ARHGEF37: variants seen among roughly 807,000 people sequenced by gnomAD.
ARHGEF37 encodes the protein Rho guanine nucleotide exchange factor (GEF) 37.
Under a neutral mutation model 71.1 loss-of-function variants are expected in ARHGEF37, and 55 were observed. The ratio of observed to expected loss-of-function variants is 0.77; its 90% CI spans 0.62 to 0.97. ARHGEF37 has a LOEUF of 0.97. ARHGEF37 is among the 50% of genes least tolerant of loss of function. ARHGEF37 has a pLI of 0.00. For missense variants in ARHGEF37, 765 were observed against 836.8 expected (o/e 0.91, Z 1.06); for synonymous variants, 327 against 350.6 (o/e 0.93, Z 0.75).
chr5:149,627,969 C>G (rs2113392278), intron 11 of ARHGEF37, among the ~76,000 whole-genome samples: 1 of 152,284 alleles, frequency 6.6e-6, no homozygotes, highest in East Asian at 1.9e-4. Flanking sequence ...ATAAGTAGTC[C>G]ATAATTCCAT....
intron 1 of ARHGEF37, among the ~76,000 whole-genome samples, chr5:149,574,452 C>T (rs937001815): frequency 1.3e-5 from 2 of 152,216 alleles, no homozygotes; most frequent in Non-Finnish European, 2.9e-5. Context: ...GTCTATCTGA[C>T]TGCTCCATCT....
rs543866082 is a variant in ARHGEF37, at chr5:149,600,899, C to T, written c.187-209C>T. ...TGATCCACCCGCCTCATCTCCCCAACGTGCTGGGATTACAGGCGTGAGCCA... is the reference window on the plus strand; with the variant it reads ...TGATCCACCCGCCTCATCTCCCCAATGTGCTGGGATTACAGGCGTGAGCCA... On this transcript the variant is annotated intron_variant, in intron 2 of 12. Coordinates refer to ENST00000333677, the MANE Select transcript of ARHGEF37 (RefSeq NM_001001669.3). Among the ~76,000 whole-genome samples the T allele has an allele frequency of 3.9e-5, 6 of 152,268 alleles. No homozygotes were observed. In the South Asian group the frequency reaches 6.2e-4, roughly 16 times the overall value.
chr5:149,602,095 C>T (rs553923858), intron 3 of ARHGEF37, among the ~76,000 whole-genome samples: 9 of 149,146 alleles, frequency 6.0e-5, no homozygotes, highest in African/African-American at 2.2e-4. Flanking sequence ...CTCACTCTGT[C>T]GCCCAGGCTC....
chr5:149,561,055 A>T (rs745711234), intron 1 of ARHGEF37, among the ~76,000 whole-genome samples: 9 of 152,164 alleles, frequency 5.9e-5, no homozygotes, highest in Non-Finnish European at 1.0e-4. Context: ...CAGGTGGATC[A>T]CAAGGTCAGG....
intron 2 of ARHGEF37, among the ~76,000 whole-genome samples, chr5:149,598,771 GATATAGATATATAGATATAGAT>G (rs1763661264): frequency 5.1e-5 from 4 of 78,590 alleles, no homozygotes; most frequent in Non-Finnish European, 1.2e-4. Context: ...TATAGATATA[GATATAGATATATAGATATAGAT>G]ATATAGATAT....
intron 1 of ARHGEF37, among the ~76,000 whole-genome samples, chr5:149,563,820 CAG>C (rs1477949120): frequency 1.3e-5 from 2 of 151,910 alleles, no homozygotes; most frequent in Non-Finnish European, 2.9e-5. Flanking sequence ...TCATAGGAAA[CAG>C]ATAAAAATTT....
At chr5:149,586,594 CTG>C (rs923135072) in intron 1 of ARHGEF37, among the ~76,000 whole-genome samples, 43 of 152,214 alleles carry the variant, frequency 2.8e-4, no homozygotes, top group African/African-American at 9.9e-4. Context: ...CCACTCCACT[CTG>C]ATGCTGTGTA....
At chr5:149,606,365 G>A (rs1401864112) in intron 3 of ARHGEF37, among the ~76,000 whole-genome samples, 1 of 152,142 alleles carries the variant, frequency 6.6e-6, no homozygotes, top group Non-Finnish European at 1.5e-5. Context: ...CCGGGAAAGG[G>A]TAGGCCCTGG....
chr5:149,616,523 C>G (rs766873246), intron 4 of ARHGEF37, 44 bp from the exon 5 acceptor site: 1 of 1,552,332 alleles, frequency 6.4e-7, no homozygotes, highest in Non-Finnish European at 8.7e-7. Flanking sequence ...CCTGGTCCTC[C>G]AGAGGGTGGG....
intron 1 of ARHGEF37, among the ~76,000 whole-genome samples, chr5:149,592,118 AC>A: frequency 6.6e-6 from 1 of 152,354 alleles, no homozygotes; most frequent in Middle Eastern, 3.4e-3. Flanking sequence ...TAAATATAGC[AC>A]AACATCAAAA....
chr5:149,556,366 GTATT>G lies in ARHGEF37; in HGVS notation c.-12+4277_-12+4280del, dbSNP rs34107862. Among the ~76,000 whole-genome samples, 341 of 142,750 alleles carry G rather than the reference GTATT, an allele frequency of 2.4e-3. 1 individual carries two copies. Among genetic ancestry groups the G allele is most frequent in the East Asian group, 3.5e-3 (17 of 4,796 alleles). 93.6% of individuals were successfully genotyped at this position (142,750 alleles called of 152,430 possible). A position where few individuals can be genotyped will look rare whatever the true frequency, so the allele number is the denominator to read the frequency against. ...ATGCCACCATGCCCAGCTAGTTTTTGTATTTATTTATTTATTTATTTATTTATTT... is the reference window on the plus strand; with the variant it reads ...ATGCCACCATGCCCAGCTAGTTTTTGTATTTATTTATTTATTTATTTATTT... On this transcript the variant is annotated intron_variant, in intron 1 of 2. Transcript: ENST00000505810.
At chr5:149,552,369 C>T (rs572963301) in intron 1 of ARHGEF37, among the ~76,000 whole-genome samples, 27 of 151,702 alleles carry the variant, frequency 1.8e-4, no homozygotes, top group African/African-American at 6.5e-4. Flanking sequence ...TACAAAAAAT[C>T]GATCAGAGAA....
chr5:149,628,331 G>A, intron 11 of ARHGEF37, among the ~76,000 whole-genome samples: 1 of 152,226 alleles, frequency 6.6e-6, no homozygotes. Flanking sequence ...ACACCCTCAG[G>A]AAGTGATAGC....
chr5:149,609,224 G>T (rs1327520363), intron 3 of ARHGEF37, among the ~76,000 whole-genome samples: 4 of 151,922 alleles, frequency 2.6e-5, no homozygotes, highest in Non-Finnish European at 1.5e-5. Context: ...TAATGGTTGA[G>T]TGTATTTTGT....
At chr5:149,608,387 T>G (rs1342046641) in intron 3 of ARHGEF37, among the ~76,000 whole-genome samples, 1 of 151,984 alleles carries the variant, frequency 6.6e-6, no homozygotes, top group Non-Finnish European at 1.5e-5. Context: ...TTTTTTTTTT[T>G]TGAGATGGTG....
At chr5:149,613,936 T>G (rs1752292257) in intron 4 of ARHGEF37, among the ~76,000 whole-genome samples, 1 of 151,876 alleles carries the variant, frequency 6.6e-6, no homozygotes, top group African/African-American at 2.4e-5. Flanking sequence ...ACTCATTTTT[T>G]GTATTTTTGT....
At chr5:149,566,837 T>C (rs1762905418) in intron 1 of ARHGEF37, among the ~76,000 whole-genome samples, 1 of 152,318 alleles carries the variant, frequency 6.6e-6, no homozygotes, top group Admixed American at 6.5e-5. Context: ...CAATTTTATA[T>C]GTATATATGT....
intron 4 of ARHGEF37, among the ~76,000 whole-genome samples, chr5:149,613,887 C>T (rs920201221): frequency 2.0e-5 from 3 of 151,830 alleles, no homozygotes; most frequent in Non-Finnish European, 2.9e-5. Flanking sequence ...CCTCAGCCTC[C>T]TGAGTAGTTT....
rs372944428 is a variant in ARHGEF37, at chr5:149,621,906, C to T, written c.1179C>T (p.His393=). Residue 393 remains histidine, a synonymous_variant, in exon 9 of 13, where the codon CAC becomes CAT. Transcript: ENST00000333677. ...CCTACCAGGAGGAGGCCGCCCGGCA[C>T]ACATACCAGGCACTCAACTCGCTGC... ...SVTYQEEAAR[H]TYQALNSLLV... is the part of the protein sequence containing the mutation. 2.2e-5 allele frequency: 35 copies of T among 1,614,252 alleles called. 1 individual carries two copies. In the African/African-American group the frequency reaches 2.8e-4, roughly 13 times the overall value.
Sources: gnomAD v4.1 joint callset for allele counts (sites outside exome capture counted in the v4.1 genomes callset) on GRCh38, gnomAD v4.1.1 for gene constraint, MANE v1.5 for transcripts, NCBI Gene and HGNC (gene_info 2026-07-23, HGNC 2026-07-21) for gene names.